The following MECOM variants were observed in gnomAD, a reference collection of about 807,000 sequenced individuals.
MECOM encodes histone-lysine N-methyltransferase MECOM.
MECOM carries 13 observed loss-of-function variants against 116.3 expected under a neutral mutation model. The ratio of observed to expected loss-of-function variants is 0.11; its 90% CI spans 0.07 to 0.18. MECOM has a LOEUF of 0.18. MECOM is among the 10% of genes least tolerant of loss of function. The probability of loss-of-function intolerance (pLI) is 1.00; values close to 1 mark genes in which losing one functional copy is unlikely to be tolerated. For missense variants in MECOM, 1,299 were observed against 1,509.0 expected, an observed-to-expected ratio of 0.86 and a Z score of 2.31; for synonymous variants, 528 against 535.2, an observed-to-expected ratio of 0.99 and a Z score of 0.19.
At chr3:169,558,116 G>C (rs1762243689) in intron 1 of MECOM, among the ~76,000 whole-genome samples, 1 of 152,186 alleles carries the variant, frequency 6.6e-6, no homozygotes, top group South Asian at 2.1e-4. Context: ...CATTCCAAAT[G>C]GTTCTCCCTG....
At chr3:169,449,002 A>G (rs945385579) in intron 1 of MECOM, among the ~76,000 whole-genome samples, 12 of 152,182 alleles carry the variant, frequency 7.9e-5, no homozygotes, top group East Asian at 3.8e-4. Context: ...CCTGTAGCCA[A>G]TCTACCAGGA....
intron 2 of MECOM, among the ~76,000 whole-genome samples, chr3:169,320,236 T>C (rs1041354739): frequency 6.6e-6 from 1 of 152,126 alleles, no homozygotes; most frequent in Non-Finnish European, 1.5e-5. Context: ...AGGTCAGATA[T>C]AATTAGGAGA....
At chr3:169,585,255 G>T (rs1262001694) in intron 1 of MECOM, among the ~76,000 whole-genome samples, 1 of 152,172 alleles carries the variant, frequency 6.6e-6, no homozygotes, top group Non-Finnish European at 1.5e-5. Flanking sequence ...CCCAGAGATT[G>T]ATGTCATTAC....
chr3:169,483,202 A>ATTTTTTTTTTTTTTTT (rs200735642), intron 1 of MECOM, among the ~76,000 whole-genome samples: 1 of 102,982 alleles, frequency 9.7e-6, no homozygotes, highest in African/African-American at 3.4e-5. Flanking sequence ...TTTTATTTTT[A>ATTTTTTTTTTTTTTTT]TTTTTTTTTT....
chr3:169,373,885 T>C (rs975903122), intron 2 of MECOM, among the ~76,000 whole-genome samples: 3 of 151,906 alleles, frequency 2.0e-5, no homozygotes, highest in African/African-American at 7.2e-5. Flanking sequence ...ATCCATTCTT[T>C]CATTTATCCA....
intron 1 of MECOM, among the ~76,000 whole-genome samples, chr3:169,662,711 T>C (rs1776464954): frequency 6.6e-6 from 1 of 151,896 alleles, no homozygotes; most frequent in Non-Finnish European, 1.5e-5. Context: ...CTCGGCGCAG[T>C]CCACCCGCCC....
At chr3:169,101,196 T>G (rs1448036602) in intron 11 of MECOM, among the ~76,000 whole-genome samples, 1 of 152,218 alleles carries the variant, frequency 6.6e-6, no homozygotes, top group Non-Finnish European at 1.5e-5. Context: ...AAGCAAGCAA[T>G]TTATGAAAAT....
chr3:169,130,803 T>A (rs1734449356), intron 4 of MECOM, among the ~76,000 whole-genome samples: 1 of 151,582 alleles, frequency 6.6e-6, no homozygotes, highest in Non-Finnish European at 1.5e-5. Context: ...ATATTAAATT[T>A]CCATCTCAAT....
At chr3:169,605,749 A>G (rs1388577885) in intron 1 of MECOM, among the ~76,000 whole-genome samples, 3 of 152,208 alleles carry the variant, frequency 2.0e-5, no homozygotes, top group Non-Finnish European at 4.4e-5. Flanking sequence ...CTGGAACCCT[A>G]TGTGTCTTTT....
At chr3:169,526,818 T>C (rs913798442) in intron 1 of MECOM, among the ~76,000 whole-genome samples, 4 of 152,170 alleles carry the variant, frequency 2.6e-5, no homozygotes, top group Non-Finnish European at 5.9e-5. Context: ...GTATGCTTGT[T>C]TGGAAGCCCT....
At chr3:169,602,529 T>C (rs1057175236) in intron 1 of MECOM, among the ~76,000 whole-genome samples, 3 of 152,142 alleles carry the variant, frequency 2.0e-5, no homozygotes, top group African/African-American at 7.2e-5. Flanking sequence ...TTGTAGGATG[T>C]TTAACAGCAT....
At chr3:169,355,733 T>C (rs949454026) in intron 2 of MECOM, among the ~76,000 whole-genome samples, 4 of 151,908 alleles carry the variant, frequency 2.6e-5, no homozygotes. Context: ...CTGAGTTAAA[T>C]TGAATTTGAA....
chr3:169,620,772 G>T (rs1160928122), intron 1 of MECOM, among the ~76,000 whole-genome samples: 1 of 152,220 alleles, frequency 6.6e-6, no homozygotes, highest in African/African-American at 2.4e-5. Flanking sequence ...AGATTCTAAA[G>T]CAGCCAGAGC....
chr3:169,107,624 G>A (rs1027923090), intron 10 of MECOM, among the ~76,000 whole-genome samples: 5 of 152,218 alleles, frequency 3.3e-5, no homozygotes, highest in African/African-American at 1.2e-4. Context: ...GACCCATTTC[G>A]AAGCCTCGTT....
intron 1 of MECOM, among the ~76,000 whole-genome samples, chr3:169,475,759 A>G (rs138909586): frequency 4.4e-4 from 67 of 152,146 alleles, no homozygotes; most frequent in African/African-American, 1.6e-3. Context: ...AAGGGGGAGG[A>G]GGAGGGAAAC....
chr3:169,631,705 T>C (rs1772115783), intron 1 of MECOM, among the ~76,000 whole-genome samples: 1 of 149,042 alleles, frequency 6.7e-6, no homozygotes, highest in African/African-American at 2.5e-5. Context: ...AGTGAGAATA[T>C]GCAGTGTTTG....
chr3:169,649,569 G>A (rs1171969975), intron 1 of MECOM, among the ~76,000 whole-genome samples: 2 of 152,038 alleles, frequency 1.3e-5, no homozygotes, highest in African/African-American at 2.4e-5. Context: ...TCAAATGTCG[G>A]TGTTCAATAT....
intron 2 of MECOM, among the ~76,000 whole-genome samples, chr3:169,253,411 C>A (rs1756473635): frequency 6.8e-6 from 1 of 147,772 alleles, no homozygotes; most frequent in African/African-American, 2.5e-5. Flanking sequence ...TTTTCTTGAG[C>A]TATTCGACTT....
At chr3:169,471,221 G>A (rs1372844817) in intron 1 of MECOM, among the ~76,000 whole-genome samples, 3 of 152,028 alleles carry the variant, frequency 2.0e-5, no homozygotes, top group Non-Finnish European at 4.4e-5. Context: ...CTAACTCCTG[G>A]GCTCAAGCAA....
Sources: allele counts gnomAD v4.1 joint callset (sites outside exome capture counted in the v4.1 genomes callset), GRCh38; gene constraint gnomAD v4.1.1; transcripts MANE v1.5; gene names NCBI Gene and HGNC (gene_info 2026-07-23, HGNC 2026-07-21).